FCAR: variants seen among roughly 807,000 people sequenced by gnomAD.
FCAR encodes immunoglobulin alpha Fc receptor.
In FCAR, 21 loss-of-function variants were observed where a neutral mutation model predicts 27.1. The observed-to-expected ratio is 0.77, with a 90% confidence interval of 0.55 to 1.11. The LOEUF is 1.11. Among genes scored for constraint, FCAR ranks in the 50% most tolerant of loss-of-function variants. The pLI, the probability that FCAR is intolerant of heterozygous loss-of-function variation, is 0.00. For synonymous variants in FCAR, 134 were observed against 135.8 expected, an observed-to-expected ratio of 0.99 and a Z score of 0.09; for missense variants, 404 against 358.4, an observed-to-expected ratio of 1.13 and a Z score of -1.03.
Position 54,885,443 on chromosome 19 carries a change from C to T in FCAR, c.279C>T (p.Asn93=), listed in dbSNP as rs1303695891. Residue 93 remains asparagine (N), a synonymous_variant, in exon 3 of 5, where the codon AAC becomes AAT. Coordinates refer to ENST00000355524, the MANE Select transcript of FCAR (RefSeq NM_002000.4). ...TCGTCATTGACCACATGGACGCAAACAAGGCAGGGCGCTATCAGTGCCAAT... is the reference window on the plus strand; with the variant it reads ...TCGTCATTGACCACATGGACGCAAATAAGGCAGGGCGCTATCAGTGCCAAT... ...PEFVIDHMDA[N]KAGRYQCQYR... 2 of 1,613,926 alleles carry T rather than the reference C, an allele frequency of 1.2e-6. No individual in the cohort carries two copies. Among genetic ancestry groups the T allele is most frequent in the South Asian group, 1.1e-5 (1 of 91,070 alleles).
intron 2 of FCAR, among the ~76,000 whole-genome samples, chr19:54,878,874 CTTTTTTTT>C (rs57952503): frequency 1.3e-5 from 1 of 76,088 alleles, no homozygotes; most frequent in African/African-American, 6.1e-5. Flanking sequence ...TTGAGTCTTG[CTTTTTTTT>C]TTTTTTTTTT....
chr19:54,886,662 G>T (rs1039213196), intron 3 of FCAR, among the ~76,000 whole-genome samples: 82 of 152,122 alleles, frequency 5.4e-4, no homozygotes, highest in African/African-American at 1.9e-3. Flanking sequence ...CCAAAGTGCT[G>T]GGATTCCAGG....
chr19:54,887,548 G>A (rs867429857), intron 3 of FCAR, among the ~76,000 whole-genome samples: 22 of 151,880 alleles, frequency 1.4e-4, no homozygotes, highest in African/African-American at 5.1e-4. Context: ...TTGAACCTCG[G>A]AGGTGGAGGT....
At chr19:54,889,605 G>A (rs77273876) in intron 4 of FCAR, 44 bp from the exon 5 acceptor site, 81,422 of 1,532,956 alleles carry the variant, frequency 0.053, 2,994 homozygotes, top group Admixed American at 0.15. Flanking sequence ...GGATGGAATG[G>A]AACACAACCA....
chr19:54,888,624 T>C, intron 4 of FCAR: 2 of 761,906 alleles, frequency 2.6e-6, no homozygotes, highest in Non-Finnish European at 1.7e-6. Flanking sequence ...CTCGACTCAC[T>C]GCAACCTTCG....
At chr19:54,877,919 G>GT (rs60830828) in intron 2 of FCAR, among the ~76,000 whole-genome samples, 6,984 of 141,430 alleles carry the variant, frequency 0.049, 217 homozygotes, top group South Asian at 0.12. Context: ...GCTAAGGATT[G>GT]TTTTTTTTTT....
rs888585108 is a variant in FCAR, at chr19:54,885,349, T to A, written c.185T>A (p.Ile62Asn). 2 of 1,613,984 alleles carry A rather than the reference T, an allele frequency of 1.2e-6. No individual in the cohort carries two copies. The highest frequency in any genetic ancestry group is 1.7e-6 in the Non-Finnish European group (2 of 1,179,988). Residue 62 changes from isoleucine to asparagine, a missense_variant, in exon 3 of 5, where the codon ATC (isoleucine) becomes AAC (asparagine). Coordinates refer to ENST00000355524, the MANE Select transcript of FCAR (RefSeq NM_002000.4). The stretch of plus-strand genomic sequence containing the variant: ...GAAGCTTACCTGACCCAGCTGATGA[T>A]CATAAAAAACTCCACGTACCGAGAG... Reference protein sequence around the residue: ...IREAYLTQLMIIKNSTYREIG... With the variant: ...IREAYLTQLMNIKNSTYREIG...
At chr19:54,876,587 G>A (rs2066100775) in intron 2 of FCAR, among the ~76,000 whole-genome samples, 1 of 152,056 alleles carries the variant, frequency 6.6e-6, no homozygotes, top group Admixed American at 6.6e-5. Flanking sequence ...ATGTGTGTGG[G>A]GAGGGTTGTT....
rs779070630 is a variant in FCAR at position 54,885,365 on chromosome 19, G to A, written c.201G>A (p.Thr67=). 27 of 1,614,030 alleles carry A rather than the reference G, an allele frequency of 1.7e-5. 1 individual carries two copies. The highest frequency in any genetic ancestry group is 2.2e-5 in the East Asian group (1 of 44,870). ...LTQLMIIKNS[T]YREIGRRLKF... is the part of the protein sequence containing the mutation. ...AGCTGATGATCATAAAAAACTCCAC[G>A]TACCGAGAGATAGGCAGAAGACTGA... Residue 67 remains threonine, a synonymous_variant, in exon 3 of 5, where the codon ACG becomes ACA. Coordinates refer to ENST00000355524, the MANE Select transcript of FCAR (RefSeq NM_002000.4).
At chr19:54,889,012 G>A in intron 4 of FCAR, 1 of 507,234 alleles carries the variant, frequency 2.0e-6, no homozygotes, top group Non-Finnish European at 2.5e-6. Context: ...CTGTTGCAGT[G>A]AGCCAAGATC....
chr19:54,875,250 C>T (rs1308276081), intron 1 of FCAR, 80 bp from the exon 2 acceptor site: 5 of 1,195,288 alleles, frequency 4.2e-6, no homozygotes, highest in Non-Finnish European at 6.2e-6. Flanking sequence ...TGGTCTTTTT[C>T]TGGTCTGTCA....
rs1363987502 is a variant in FCAR at position 54,888,021 on chromosome 19, C to T, written c.376C>T (p.Pro126Ser). The change falls in exon 4 of 5, where the codon CCC becomes TCC. Residue 126 changes from proline to serine, a missense_variant. Pro to Ser is a moderately conservative substitution (Grantham distance 74). Coordinates refer to ENST00000355524, the MANE Select transcript of FCAR (RefSeq NM_002000.4). The part of the protein sequence containing the change: ...ELVVTGLYGK[P>S]FLSADRGLVL... ...TTCTCTCTTAGGCTTGTATGGCAAA[C>T]CCTTCCTCTCTGCAGATCGGGGTCT... 1 of 1,612,958 alleles carries T rather than the reference C, an allele frequency of 6.2e-7. No individual in the cohort carries two copies. The highest frequency in any genetic ancestry group is 8.5e-7 in the Non-Finnish European group (1 of 1,179,248).
At chr19:54,880,099 C>T (rs8101381) in intron 2 of FCAR, among the ~76,000 whole-genome samples, 3,872 of 152,252 alleles carry the variant, frequency 0.025, 148 homozygotes, top group African/African-American at 0.081. Flanking sequence ...TGATTCTTGG[C>T]CTCTCTAGTG....
At position 54,887,986 on chromosome 19, in the gene FCAR, GCTCA is replaced by G; in HGVS notation, c.362-17_362-14del. ...TAAAGGAGAAAAGGTCTTTCTAATA[GCTCA>G]CTCTTTTCTCTCTTAGGCTTGTATG... On this transcript the variant is annotated splice_polypyrimidine_tract_variant and intron_variant, in intron 3 of 4. Transcript: ENST00000355524. 1 of 1,574,928 alleles carries G rather than the reference GCTCA, an allele frequency of 6.3e-7. No homozygotes were observed. Among genetic ancestry groups the G allele is most frequent in the East Asian group, 2.3e-5 (1 of 44,402 alleles).
At position 54,889,574 on chromosome 19, in the gene FCAR, C is replaced by G. The variant is rs936721657; in HGVS notation, c.650-75C>G. Reference sequence around the variant, plus strand: ...GCAAGCGAAAAGGAAAATGAGCTCCCGTTTCAGGGCTCTGGGGTTGGGATG... The same window carrying G: ...GCAAGCGAAAAGGAAAATGAGCTCCGGTTTCAGGGCTCTGGGGTTGGGATG... On this transcript the variant is annotated intron_variant, in intron 4 of 4. Transcript: ENST00000355524. 11 of 1,288,246 alleles carry G rather than the reference C, an allele frequency of 8.5e-6. No homozygotes were observed. The African/African-American group carries it at 1.6e-4, about 19-fold the overall frequency. The allele number at this position is 1,288,246 out of a possible 1,614,324, so 79.8% of individuals were successfully genotyped here.
chr19:54,880,335 C>T (rs1198995207), intron 2 of FCAR, among the ~76,000 whole-genome samples: 2 of 152,082 alleles, frequency 1.3e-5, no homozygotes, highest in Non-Finnish European at 2.9e-5. Flanking sequence ...CCTTATTTTG[C>T]TTTATTTTGC....
intron 3 of FCAR, among the ~76,000 whole-genome samples, chr19:54,886,710 A>G (rs139677208): frequency 6.6e-6 from 1 of 152,200 alleles, no homozygotes; most frequent in Non-Finnish European, 1.5e-5. Context: ...ATGTATCTTT[A>G]GGTTTGTCTT....
At chr19:54,885,614 C>CAA in intron 3 of FCAR, 89 bp downstream of exon 3, 1 of 1,030,776 alleles carries the variant, frequency 9.7e-7, no homozygotes, top group Non-Finnish European at 1.4e-6. Context: ...GATTTACAAA[C>CAA]AAAAAAAAAT....
chr19:54,878,549 AT>A (rs370432472), intron 2 of FCAR, among the ~76,000 whole-genome samples: 6,674 of 147,026 alleles, frequency 0.045, 199 homozygotes, highest in South Asian at 0.13. Context: ...TCTTTTTTTA[AT>A]TTTTTTTTTC....
Sources: allele counts gnomAD v4.1 joint callset (sites outside exome capture counted in the v4.1 genomes callset), GRCh38; gene constraint gnomAD v4.1.1; transcripts MANE v1.5; gene names NCBI Gene and HGNC (gene_info 2026-07-23, HGNC 2026-07-21).